NAA10: variants seen among roughly 807,000 people sequenced by gnomAD.
The protein encoded by NAA10 is N-alpha-acetyltransferase 10, NatA catalytic subunit, also known as N-alpha-acetyltransferase 10.
A neutral mutation model predicts 19.2 loss-of-function variants in NAA10; 6 were observed. That is an observed-to-expected ratio of 0.31 (90% CI 0.17 to 0.62). The LOEUF is 0.62. Among genes scored for constraint, NAA10 ranks in the 20% least tolerant of loss-of-function variants. The pLI, the probability that NAA10 is intolerant of heterozygous loss-of-function variation, is 0.83. For synonymous variants in NAA10, 97 were observed against 79.9 expected (o/e 1.21, Z -1.14); for missense variants, 101 against 198.4 (o/e 0.51, Z 2.95).
At chrX:153,932,185 C>T in intron 5 of NAA10, 70 bp from the exon 6 acceptor site, 1 of 1,186,344 alleles carries the variant, frequency 8.4e-7, no homozygotes, top group Non-Finnish European at 1.1e-6. Flanking sequence ...CCAGGTCTTG[C>T]CCCTCCTCCT....
chrX:153,934,083 C>T (rs2065182607), intron 2 of NAA10, 82 bp from the exon 3 acceptor site: 8 of 940,657 alleles, frequency 8.5e-6, no homozygotes, highest in African/African-American at 3.8e-5. Flanking sequence ...GGACGAGTGG[C>T]GAGTTGTGTG....
Position 153,930,205 on chromosome X carries a change from G to T in NAA10, c.490C>A (p.Leu164Met). Reference sequence around the variant, plus strand: ...ACCACGTGCCTGCCCTTCTCTTTCAGCTCCAGGTGCCGCCTCAGCTGCCAC... The same window carrying T: ...ACCACGTGCCTGCCCTTCTCTTTCATCTCCAGGTGCCGCCTCAGCTGCCAC... Reference protein sequence around the residue: ...MADELRRHLELKEKGRHVVLG... With the variant: ...MADELRRHLEMKEKGRHVVLG... The change falls in exon 8 of 8, where the codon CTG becomes ATG. Residue 164 changes from leucine (L) to methionine (M), a missense_variant. Physicochemically the swap from Leu to Met is conservative, Grantham distance 15. Transcript: ENST00000464845. 8.3e-7 allele frequency: 1 copy of T among 1,210,626 alleles called. No homozygotes were observed.
At chrX:153,932,290 C>T (rs1557107512) in intron 5 of NAA10, 26 bp downstream of exon 5, 9 of 1,178,330 alleles carry the variant, frequency 7.6e-6, no homozygotes, top group South Asian at 3.6e-5. Context: ...CCCCCTCAAT[C>T]CCCCTTCCCT....
intron 3 of NAA10, chrX:153,932,844 G>A: frequency 2.4e-6 from 1 of 415,166 alleles, no homozygotes; most frequent in Non-Finnish European, 4.2e-6. Context: ...TTGAGCCCAG[G>A]AGTTCGAGAC....
chrX:153,931,216 G>C lies in NAA10; in HGVS notation c.387-369C>G, dbSNP rs1358623088. 4 of 928,988 alleles carry C rather than the reference G, an allele frequency of 4.3e-6. No homozygotes were observed. The African/African-American group carries it at 8.2e-5, about 19-fold the overall frequency. 76.6% of individuals were successfully genotyped at this position (928,988 alleles called of 1,213,427 possible). On this transcript the variant is annotated intron_variant, in intron 6 of 7. Transcript: ENST00000464845. The stretch of plus-strand genomic sequence containing the variant: ...GAACCCAGGAAAGACGGTGAGCCCT[G>C]CCTGAGCAGCTCTGGGGCCGTGACT...
At position 153,930,215 on chromosome X, in the gene NAA10, C is replaced by G; in HGVS notation, c.480G>C (p.Arg160=). ...DLTQMADELR[R]HLELKEKGRH... is the part of the protein sequence containing the mutation. ...TGCCCTTCTCTTTCAGCTCCAGGTGCCGCCTCAGCTGCCACCAGGAACCCA... is the reference window on the plus strand; with the variant it reads ...TGCCCTTCTCTTTCAGCTCCAGGTGGCGCCTCAGCTGCCACCAGGAACCCA... The change falls in exon 8 of 8, where the codon CGG becomes CGC. Residue 160 remains arginine (R), a synonymous_variant. Coordinates refer to ENST00000464845, the MANE Select transcript of NAA10 (RefSeq NM_003491.4). 8.3e-7 allele frequency: 1 copy of G among 1,209,233 alleles called. No homozygotes were observed. The highest frequency in any genetic ancestry group is 1.1e-6 in the Non-Finnish European group (1 of 893,721).
Position 153,935,017 on chromosome X carries a change from G to A in NAA10, c.-113C>T. On this transcript the variant is annotated 5_prime_UTR_variant, in exon 1 of 8. Coordinates refer to ENST00000464845, the MANE Select transcript of NAA10 (RefSeq NM_003491.4). ...GCTGGGACCGGAGCTGGGCTCGCTG[G>A]GCGACGGCGGAAGGGGCGGTGCGCG... The A allele has an allele frequency of 1.3e-6, 1 of 750,630 alleles. No individual in the cohort carries two copies. Among genetic ancestry groups the A allele is most frequent in the Non-Finnish European group, 1.7e-6 (1 of 602,853 alleles). The allele number at this position is 750,630 out of a possible 1,213,427, so 61.9% of individuals were successfully genotyped here.
chrX:153,934,322 G>A, intron 2 of NAA10, 55 bp downstream of exon 2: 1 of 1,014,495 alleles, frequency 9.9e-7, no homozygotes, highest in Non-Finnish European at 1.4e-6. Context: ...AAGATGGCCA[G>A]ATGGGATTTT....
At chrX:153,934,711 C>T (rs2065187252) in intron 1 of NAA10, 173 bp downstream of exon 1, 6 of 625,813 alleles carry the variant, frequency 9.6e-6, no homozygotes, top group Non-Finnish European at 1.4e-5. Flanking sequence ...ATCGCAGCCC[C>T]GGCCCCGCGC....
chrX:153,934,956 G>C lies in NAA10; in HGVS notation c.-52C>G. The stretch of plus-strand genomic sequence containing the variant: ...GCGGATCGTGAAGGCGCAGTCAGCT[G>C]CCGCCGCGCTCCGAAGCGACGCCGG... On this transcript the variant is annotated 5_prime_UTR_variant, in exon 1 of 8. Transcript: ENST00000464845. 1.0e-6 allele frequency: 1 copy of C among 960,211 alleles called. No individual in the cohort carries two copies. Among genetic ancestry groups the C allele is most frequent in the Non-Finnish European group, 1.3e-6 (1 of 760,107 alleles). 79.1% of individuals were successfully genotyped at this position (960,211 alleles called of 1,213,427 possible).
At chrX:153,931,087 C>A in intron 6 of NAA10, 2 of 1,095,447 alleles carry the variant, frequency 1.8e-6, no homozygotes, top group South Asian at 2.2e-5. Context: ...TACTAAGGAT[C>A]CATTTCTGCG....
At chrX:153,931,591 C>T (rs990561236) in intron 6 of NAA10, 11 of 753,351 alleles carry the variant, frequency 1.5e-5, no homozygotes, top group African/African-American at 4.6e-5. Flanking sequence ...GCTAGGCACA[C>T]GGGGCCTCCT....
At chrX:153,932,932 G>A (rs2065175167) in intron 3 of NAA10, 2 of 268,623 alleles carry the variant, frequency 7.4e-6, no homozygotes, top group African/African-American at 5.6e-5. Context: ...GCATGCCTGT[G>A]GTCCCAGCTA....
intron 3 of NAA10, 196 bp from the exon 4 acceptor site, chrX:153,932,780 T>C (rs2065174233): frequency 2.1e-6 from 1 of 472,413 alleles, no homozygotes. Flanking sequence ...CTGCCGGGTG[T>C]GGGGCACACG....
Position 153,931,985 on chromosome X carries a change from G to A in NAA10, c.386+86C>T, listed in dbSNP as rs1193370128. ...CCACAGCCGGCCCACCCCCGACCTG[G>A]AAGGCAACTCAGCCGGTCTCAGGTG... On this transcript the variant is annotated intron_variant, in intron 6 of 7. Coordinates refer to ENST00000464845, the MANE Select transcript of NAA10 (RefSeq NM_003491.4). The A allele has an allele frequency of 8.3e-6, 10 of 1,209,052 alleles. No individual in the cohort carries two copies. In the East Asian group the frequency reaches 2.4e-4, roughly 29 times the overall value.
intron 2 of NAA10, 29 bp downstream of exon 2, chrX:153,934,348 C>T: frequency 8.9e-7 from 1 of 1,124,114 alleles, no homozygotes; most frequent in Non-Finnish European, 1.2e-6. Context: ...GCCTGCTTTC[C>T]CCCATGCCCA....
rs1557107482 is a variant in NAA10, at chrX:153,932,158, A to AGG, written c.342-45_342-44dup. Reference sequence around the variant, plus strand: ...ACTGCTGAGCTGCACGGATTTGGCCAGGGAGGGGTAGCACGTCCAGGTCTT... The same window carrying AGG: ...ACTGCTGAGCTGCACGGATTTGGCCAGGGGGAGGGGTAGCACGTCCAGGTCTT... On this transcript the variant is annotated intron_variant, in intron 5 of 7. Transcript: ENST00000464845. The AGG allele has an allele frequency of 3.3e-6, 4 of 1,206,976 alleles. No homozygotes were observed. The Admixed American group carries it at 8.7e-5, about 26-fold the overall frequency.
Position 153,934,393 on chromosome X carries a change from C to T in NAA10, c.104G>A (p.Gly35Asp). ...NYQMKYYFYH[G>D]LSWPQLSYIA... Reference sequence around the variant, plus strand: ...GCTGCCCACCTGGGGCCAGGAAAGGCCATGGTAGAAGTAGTATTTCATCTG... The same window carrying T: ...GCTGCCCACCTGGGGCCAGGAAAGGTCATGGTAGAAGTAGTATTTCATCTG... The change falls in exon 2 of 8, where the codon GGC becomes GAC. Residue 35 changes from glycine to aspartate, a missense_variant. Physicochemically the swap from Gly to Asp is moderately conservative, Grantham distance 94. Transcript: ENST00000464845. The T allele has an allele frequency of 1.7e-6, 2 of 1,206,457 alleles. No individual in the cohort carries two copies. The highest frequency in any genetic ancestry group is 2.2e-6 in the Non-Finnish European group (2 of 892,195).
chrX:153,929,274 AT>A lies in NAA10; in HGVS notation c.*712del, dbSNP rs1456166699. 8.9e-6 allele frequency: 1 copy of A among 112,772 alleles called. No individual in the cohort carries two copies. The highest frequency in any genetic ancestry group is 1.9e-5 in the Non-Finnish European group (1 of 53,603). 9.3% of individuals were successfully genotyped at this position (112,772 alleles called of 1,213,427 possible). A position where few individuals can be genotyped will look rare whatever the true frequency, so the allele number is the denominator to read the frequency against. ...TACAATAACTTATCAGTATTGGCGCATCAACAATAACAAATACACCAACTAA... is the reference window on the plus strand; with the variant it reads ...TACAATAACTTATCAGTATTGGCGCACAACAATAACAAATACACCAACTAA... On this transcript the variant is annotated 3_prime_UTR_variant, in exon 8 of 8. Coordinates refer to ENST00000464845, the MANE Select transcript of NAA10 (RefSeq NM_003491.4).
Sources: gnomAD v4.1 joint callset for allele counts on GRCh38, gnomAD v4.1.1 for gene constraint, MANE v1.5 for transcripts, NCBI Gene and HGNC (gene_info 2026-07-23, HGNC 2026-07-21) for gene names.